PABIR3: variants seen among roughly 807,000 people sequenced by gnomAD.
PABIR3 encodes the protein PABIR family member 1.
In PABIR3, 20 loss-of-function variants were observed where a neutral mutation model predicts 23.1. The ratio of observed to expected loss-of-function variants is 0.86; its 90% CI spans 0.61 to 1.26. PABIR3 has a LOEUF of 1.26. Ranked by LOEUF, PABIR3 falls within the 50% of genes most tolerant of loss-of-function variation. The pLI is 0.00. For missense variants in PABIR3, 189 were observed against 195.4 expected, an observed-to-expected ratio of 0.97 and a Z score of 0.20; for synonymous variants, 69 against 68.5, an observed-to-expected ratio of 1.01 and a Z score of -0.04.
Position 134,854,312 on chromosome X carries a change from A to C in PABIR3, c.*95A>C. On this transcript the variant is annotated 3_prime_UTR_variant, in exon 11 of 11. Transcript: ENST00000645433. The stretch of plus-strand genomic sequence containing the variant: ...AAGCAAACCAAGTCAGAGCAATGAG[A>C]ATTGTACTGTATAATTTAAACTATC... 6 of 947,700 alleles carry C rather than the reference A, an allele frequency of 6.3e-6. No homozygotes were observed. The highest frequency in any genetic ancestry group is 7.0e-6 in the Non-Finnish European group (5 of 712,858). 78.1% of individuals were successfully genotyped at this position (947,700 alleles called of 1,213,427 possible).
intron 3 of PABIR3, among the ~76,000 whole-genome samples, chrX:134,826,074 C>A (rs1207928279): frequency 9.0e-6 from 1 of 110,708 alleles, no homozygotes; most frequent in Non-Finnish European, 1.9e-5. Flanking sequence ...ATAGATGGTG[C>A]TATTAGGTGT....
chrX:134,845,062 A>G, intron 4 of PABIR3, 143 bp from the exon 5 acceptor site: 1 of 509,387 alleles, frequency 2.0e-6, no homozygotes, highest in Non-Finnish European at 3.3e-6. Context: ...GCAGAGAACC[A>G]GATACTTGTT....
chrX:134,843,968 A>G (rs1328061644), intron 4 of PABIR3: 1 of 87,336 alleles, frequency 1.1e-5, no homozygotes, highest in Non-Finnish European at 2.1e-5. Flanking sequence ...TCTGTCATTC[A>G]GGCTGGAGTA....
At chrX:134,810,827 T>C (rs995728503) in intron 2 of PABIR3, 225 of 747,924 alleles carry the variant, frequency 3.0e-4, no homozygotes, top group Non-Finnish European at 3.5e-4. Context: ...ATTAAAGATA[T>C]AGAAACCACA....
chrX:134,811,030 C>T (rs1190448009), intron 2 of PABIR3: 3 of 752,517 alleles, frequency 4.0e-6, no homozygotes, highest in Non-Finnish European at 4.7e-6. Context: ...GATGTTTCTT[C>T]TATATAAAGA....
chrX:134,817,359 C>T (rs941866292), intron 3 of PABIR3, among the ~76,000 whole-genome samples: 3 of 108,730 alleles, frequency 2.8e-5, no homozygotes, highest in Non-Finnish European at 5.7e-5. Flanking sequence ...ATCCATTCAA[C>T]GATATTTGTT....
chrX:134,847,882 G>A lies in PABIR3; in HGVS notation c.439-1G>A. ...AAACCTCTGTTCCAATTTGATTTTA[G>A]CAGTGTTTCTCTCCATCATTACAAA... On this transcript the variant is annotated splice_acceptor_variant, in intron 7 of 10. Coordinates refer to ENST00000645433, the MANE Select transcript of PABIR3 (RefSeq NM_001388447.1). LOFTEE classifies it high-confidence loss of function. 8.7e-7 allele frequency: 1 copy of A among 1,152,778 alleles called. No homozygotes were observed. Among genetic ancestry groups the A allele is most frequent in the Non-Finnish European group, 1.1e-6 (1 of 870,585 alleles).
chrX:134,802,083 C>CTTTCT (rs1260661012), intron 1 of PABIR3, among the ~76,000 whole-genome samples: 1 of 105,689 alleles, frequency 9.5e-6, no homozygotes, highest in Non-Finnish European at 1.9e-5. Flanking sequence ...TTCCAGTGCA[C>CTTTCT]TTTCTTTTCT....
chrX:134,822,365 T>C, intron 3 of PABIR3: 4 of 751,569 alleles, frequency 5.3e-6, no homozygotes, highest in Non-Finnish European at 6.3e-6. Context: ...TTTTCTGCAA[T>C]TAATTTCTCA....
intron 2 of PABIR3, chrX:134,809,311 ACC>A (rs2080474890): frequency 8.1e-6 from 1 of 123,305 alleles, no homozygotes; most frequent in Non-Finnish European, 1.6e-5. Context: ...GACTTCAGGC[ACC>A]CGCCACCACG....
chrX:134,805,865 C>T (rs1165283381), upstream of PABIR3, among the ~76,000 whole-genome samples: 1 of 110,216 alleles, frequency 9.1e-6, no homozygotes, highest in Admixed American at 9.6e-5. Flanking sequence ...CCATTGCACT[C>T]CAGCCTGGGC....
At chrX:134,822,077 C>T in intron 3 of PABIR3, 7 of 754,289 alleles carry the variant, frequency 9.3e-6, no homozygotes, top group Non-Finnish European at 1.1e-5. Flanking sequence ...CCTAACCTCC[C>T]GCTACTTCTA....
chrX:134,859,816 T>G (rs973354728), downstream of PABIR3, among the ~76,000 whole-genome samples: 1 of 112,242 alleles, frequency 8.9e-6, no homozygotes, highest in Non-Finnish European at 1.9e-5. Flanking sequence ...GCTTGGTAAC[T>G]CTGCATTGAA....
chrX:134,833,136 A>C (rs2081866249), intron 4 of PABIR3: 1 of 111,472 alleles, frequency 9.0e-6, no homozygotes, highest in South Asian at 3.8e-4. Flanking sequence ...ACTGTAAGTA[A>C]TTATGCATAA....
Position 134,852,851 on chromosome X carries a change from A to G in PABIR3, c.641A>G (p.Asn214Ser). The change falls in exon 10 of 11, where the codon AAC (asparagine) becomes AGC (serine). Residue 214 changes from asparagine to serine, a missense_variant. By Grantham distance (46) the Asn-to-Ser change is conservative. Transcript: ENST00000645433. Reference sequence around the variant, plus strand: ...AAAAAGATTTTCCAAGGCACAACCAACATGCTTTCTTCTGATACTTCCCAA... The same window carrying G: ...AAAAAGATTTTCCAAGGCACAACCAGCATGCTTTCTTCTGATACTTCCCAA... Reference protein sequence around the residue: ...QPKKIFQGTTNMLSSDTSQLS... With the variant: ...QPKKIFQGTTSMLSSDTSQLS... 7 of 1,143,253 alleles carry G rather than the reference A, an allele frequency of 6.1e-6. No individual in the cohort carries two copies. Among genetic ancestry groups the G allele is most frequent in the Non-Finnish European group, 8.1e-6 (7 of 867,207 alleles). The allele number at this position is 1,143,253 out of a possible 1,213,427, so 94.2% of individuals were successfully genotyped here.
At chrX:134,853,930 T>G (rs1346011795) in intron 10 of PABIR3, among the ~76,000 whole-genome samples, 161 bp from the exon 11 acceptor site, 1 of 112,332 alleles carries the variant, frequency 8.9e-6, no homozygotes, top group East Asian at 2.8e-4. Flanking sequence ...GGATTTCTAT[T>G]TATTGTTACT....
At chrX:134,807,149 A>C, upstream of PABIR3, 2 of 773,254 alleles carry the variant, frequency 2.6e-6, no homozygotes, top group Non-Finnish European at 3.1e-6. Flanking sequence ...TGCCTGCATC[A>C]CAACAGGCGT....
intron 4 of PABIR3, among the ~76,000 whole-genome samples, chrX:134,829,705 G>A (rs904907107): frequency 1.8e-5 from 2 of 110,495 alleles, no homozygotes; most frequent in African/African-American, 6.6e-5. Context: ...TACCTCACTG[G>A]TTTATATTTT....
At chrX:134,853,984 A>C (rs1569464029) in intron 10 of PABIR3, 107 bp from the exon 11 acceptor site, 1 of 852,075 alleles carries the variant, frequency 1.2e-6, no homozygotes, top group Non-Finnish European at 1.6e-6. Flanking sequence ...GCTTGTGACA[A>C]GTGCCAGTTG....
Sources: allele counts gnomAD v4.1 joint callset (sites outside exome capture counted in the v4.1 genomes callset), GRCh38; gene constraint gnomAD v4.1.1; transcripts MANE v1.5; gene names NCBI Gene and HGNC (gene_info 2026-07-23, HGNC 2026-07-21).